Variants in CFAP46 observed in about 807,000 individuals in gnomAD.
The protein encoded by CFAP46 is cilia and flagella associated protein 46.
Under a neutral mutation model 325.7 loss-of-function variants are expected in CFAP46, and 245 were observed. The ratio of observed to expected loss-of-function variants is 0.75; its 90% confidence interval spans 0.68 to 0.84. The LOEUF (loss-of-function observed/expected upper bound fraction) is 0.84. Ranked by LOEUF, CFAP46 falls within the 40% of genes least tolerant of loss-of-function variation. CFAP46 has a pLI of 0.00. For synonymous variants in CFAP46, 1,523 were observed against 1,495.9 expected, an observed-to-expected ratio of 1.02 and a Z score of -0.42; for missense variants, 3,346 against 3,543.0, an observed-to-expected ratio of 0.94 and a Z score of 1.41.
chr10:132,838,401 G>C (rs891774157), intron 44 of CFAP46, among the ~76,000 whole-genome samples: 3 of 152,276 alleles, frequency 2.0e-5, no homozygotes, highest in African/African-American at 7.2e-5. Flanking sequence ...TGAAAAGCTC[G>C]ATGGATTTTT....
At chr10:132,834,947 G>C (rs1848215089) in intron 47 of CFAP46, among the ~76,000 whole-genome samples, 172 bp from the exon 48 acceptor site, 1 of 152,244 alleles carries the variant, frequency 6.6e-6, no homozygotes, top group Non-Finnish European at 1.5e-5. Context: ...CCCATCCTCT[G>C]GAGGGTCACC....
At chr10:132,879,726 GCCCGGTGCCTCGCGGACA>G (rs1849011020) in intron 28 of CFAP46, 95 bp from the exon 29 acceptor site, 13 of 1,277,718 alleles carry the variant, frequency 1.0e-5, no homozygotes, top group Non-Finnish European at 1.2e-5. Context: ...GTGGTGGACT[GCCCGGTGCCTCGCGGACA>G]CCCGGTGCTC....
At chr10:132,856,147 C>T (rs1181411187) in intron 39 of CFAP46, among the ~76,000 whole-genome samples, 1 of 152,214 alleles carries the variant, frequency 6.6e-6, no homozygotes, top group Non-Finnish European at 1.5e-5. Context: ...CACAGAGGTC[C>T]CTGCGCTGGG....
At position 132,941,019 on chromosome 10, in the gene CFAP46, T is replaced by G; in HGVS notation, c.348A>C (p.Ile116=). The stretch of plus-strand genomic sequence containing the variant: ...ACCTCGGTTCTCCTTTGGCAAAGTT[T>G]ATGGCCTTCATGTACTCAGTCACGC... ...ENCVTEYMKA[I]NFAKGEPRYY... Residue 116 remains isoleucine, a synonymous_variant, in exon 4 of 58, where the codon ATA becomes ATC. Transcript: ENST00000368586. The G allele has an allele frequency of 6.2e-7, 1 of 1,614,198 alleles. No homozygotes were observed. Among genetic ancestry groups the G allele is most frequent in the Non-Finnish European group, 8.5e-7 (1 of 1,180,034 alleles).
chr10:132,923,306 TCGAGCAGCCA>T, intron 11 of CFAP46, among the ~76,000 whole-genome samples: 1 of 135,262 alleles, frequency 7.4e-6, no homozygotes, highest in South Asian at 2.5e-4. Context: ...ACCCCTGGCC[TCGAGCAGCCA>T]TGTGGGGGTG....
intron 19 of CFAP46, among the ~76,000 whole-genome samples, chr10:132,912,192 T>A (rs935927496): frequency 2.4e-5 from 3 of 123,068 alleles, no homozygotes; most frequent in Admixed American, 8.3e-5. Flanking sequence ...CCTGTCCTCT[T>A]TCCTCTCTCT....
chr10:132,852,405 C>T (rs1296118182), intron 39 of CFAP46, among the ~76,000 whole-genome samples: 8 of 125,900 alleles, frequency 6.4e-5, no homozygotes, highest in South Asian at 3.2e-4. Flanking sequence ...GATCCACAGA[C>T]GTGGTATGTT....
chr10:132,919,622 G>A lies in CFAP46; in HGVS notation c.1731-180C>T, dbSNP rs114087946. Reference sequence around the variant, plus strand: ...GCGGGTGCATGTCCCAGGGTCGGGCGCAGCTCTCCGCTCTCCCTGCCAGCC... The same window carrying A: ...GCGGGTGCATGTCCCAGGGTCGGGCACAGCTCTCCGCTCTCCCTGCCAGCC... On this transcript the variant is annotated intron_variant, in intron 14 of 57. Transcript: ENST00000368586. This position sits in a 1 kb window ranked among gnomAD's most constrained non-coding sequence, Gnocchi z 9.7. Among the ~76,000 whole-genome samples, 907 of 152,228 alleles carry A rather than the reference G, an allele frequency of 6.0e-3. 6 individuals are homozygous for A. The highest frequency in any genetic ancestry group is 0.02 in the African/African-American group (849 of 41,544).
chr10:132,818,488 C>T (rs1847736096), intron 50 of CFAP46, among the ~76,000 whole-genome samples: 1 of 152,096 alleles, frequency 6.6e-6, no homozygotes, highest in Non-Finnish European at 1.5e-5. Flanking sequence ...AGATCAGAAA[C>T]AAGGCAAGGA....
chr10:132,821,473 T>G (rs1211532632), intron 50 of CFAP46, among the ~76,000 whole-genome samples: 20 of 122,588 alleles, frequency 1.6e-4, no homozygotes, highest in Non-Finnish European at 3.1e-4. Flanking sequence ...TGATGTGTGT[T>G]GTGTGTGCTG....
intron 44 of CFAP46, among the ~76,000 whole-genome samples, chr10:132,839,425 A>G (rs1417487797): frequency 6.6e-6 from 1 of 152,190 alleles, no homozygotes; most frequent in Non-Finnish European, 1.5e-5. Context: ...CACAGAGAGA[A>G]CTGGTGGCTT....
At position 132,941,870 on chromosome 10, in the gene CFAP46, C is replaced by G. The variant is rs898597642; in HGVS notation, c.174+110G>C. On this transcript the variant is annotated intron_variant, in intron 2 of 57. Coordinates refer to ENST00000368586, the MANE Select transcript of CFAP46 (RefSeq NM_001200049.3). ...TCCTCCATCCTGGCCCCTTGACTGC[C>G]CGGCCAGGAGCTGCCTCTCCCCAGC... 1.8e-5 allele frequency: 27 copies of G among 1,508,244 alleles called. 1 individual carries two copies. In the Admixed American group the frequency reaches 5.6e-4, roughly 31 times the overall value. The allele number at this position is 1,508,244 out of a possible 1,614,324, so 93.4% of individuals were successfully genotyped here. A position where few individuals can be genotyped will look rare whatever the true frequency, so the allele number is the denominator to read the frequency against.
chr10:132,915,862 C>A (rs781268970), intron 17 of CFAP46, among the ~76,000 whole-genome samples: 3 of 152,168 alleles, frequency 2.0e-5, no homozygotes, highest in Non-Finnish European at 2.9e-5. Context: ...GATCTGATCA[C>A]CACGTTACAC....
intron 9 of CFAP46, among the ~76,000 whole-genome samples, chr10:132,927,798 T>G (rs1480302700): frequency 1.3e-5 from 2 of 152,288 alleles, no homozygotes; most frequent in Admixed American, 1.3e-4. Flanking sequence ...AATTAAAAAC[T>G]ATTCATATCC....
intron 56 of CFAP46, 39 bp downstream of exon 56, chr10:132,810,911 C>A: frequency 1.9e-6 from 3 of 1,546,768 alleles, no homozygotes; most frequent in Non-Finnish European, 2.6e-6. Context: ...CCTCTCCATC[C>A]TCAGCATCCC....
chr10:132,929,193 A>G (rs533057933), intron 9 of CFAP46: 26 of 369,626 alleles, frequency 7.0e-5, no homozygotes, highest in Non-Finnish European at 5.9e-5. Flanking sequence ...AATTAGGCAC[A>G]ATAAGATATT....
In CFAP46 at chr10:132,836,855, C is replaced by T. The variant is rs1401853778; in HGVS notation, c.6498G>A (p.Pro2166=). 1.2e-6 allele frequency: 2 copies of T among 1,613,844 alleles called. No individual in the cohort carries two copies. The highest frequency in any genetic ancestry group is 8.5e-7 in the Non-Finnish European group (1 of 1,179,994). Residue 2166 remains proline, a synonymous_variant, in exon 45 of 58, where the codon CCG becomes CCA. Coordinates refer to ENST00000368586, the MANE Select transcript of CFAP46 (RefSeq NM_001200049.3). ...GGTGCAGAAAGAGGATCCAAAAGGT[C>T]GGAGGCATCTCATTCAAGAGGTTAA... ...QHFNLLNEMP[P]TFWILFLHLS...
intron 54 of CFAP46, among the ~76,000 whole-genome samples, chr10:132,813,337 C>T: frequency 6.9e-6 from 1 of 145,392 alleles, no homozygotes; most frequent in Admixed American, 6.7e-5. Context: ...GCAGTGCCAC[C>T]CTCTGCACAC....
intron 35 of CFAP46, among the ~76,000 whole-genome samples, chr10:132,862,219 G>A (rs997393766): frequency 6.6e-6 from 1 of 152,212 alleles, no homozygotes; most frequent in African/African-American, 2.4e-5. Context: ...TCTGAGGAGG[G>A]AAGAGGGGGA....
Sources: allele counts gnomAD v4.1 joint callset (sites outside exome capture counted in the v4.1 genomes callset), GRCh38; gene constraint gnomAD v4.1.1; non-coding constraint Gnocchi (gnomAD v3.1); transcripts MANE v1.5; gene names NCBI Gene and HGNC (gene_info 2026-07-23, HGNC 2026-07-21).